The following MGAM2 variants were observed in gnomAD, a reference collection of about 807,000 sequenced individuals.
MGAM2 encodes the protein maltase-glucoamylase 2 (putative).
Under a neutral mutation model 96.1 loss-of-function variants are expected in MGAM2, and 98 were observed. That is an observed-to-expected ratio of 1.02 (90% confidence interval 0.87 to 1.21). MGAM2 has a LOEUF of 1.21. Among genes scored for constraint, MGAM2 ranks in the 50% most tolerant of loss-of-function variants. The pLI, the probability that MGAM2 is intolerant of heterozygous loss-of-function variation, is 0.00. For synonymous variants in MGAM2, 749 were observed against 414.8 expected (o/e 1.81, Z -9.79); for missense variants, 2,055 against 1,182.4 (o/e 1.74, Z -10.82).
intron 4 of MGAM2, 92 bp from the exon 5 acceptor site, chr7:142,131,426 G>A: frequency 1.5e-6 from 1 of 654,796 alleles, no homozygotes; most frequent in Non-Finnish European, 2.8e-6. Flanking sequence ...CACAGGGCAA[G>A]ACTCCATCTC....
chr7:142,112,219 T>C (rs1046012911), intron 1 of MGAM2, among the ~76,000 whole-genome samples: 3 of 152,090 alleles, frequency 2.0e-5, no homozygotes, highest in African/African-American at 7.2e-5. Flanking sequence ...GGTTTCTAAG[T>C]AGGCAAGAAT....
In MGAM2 at chr7:142,221,340, G is replaced by T; in HGVS notation, c.6829G>T (p.Asp2277Tyr). ...TGTGACTACTCCTTCTCCAAGTACT[G>T]ATGCTACTACTACAAGTAATAATAC... ...PFVTTPSPST[D>Y]ATTTSNNTNP... is the part of the protein sequence containing the mutation. The change falls in exon 48 of 48, where the codon GAT (aspartate) becomes TAT (tyrosine). Residue 2277 changes from aspartate to tyrosine, a missense_variant. By Grantham distance (160) the Asp-to-Tyr change is radical. Transcript: ENST00000477922. 1 of 633,586 alleles carries T rather than the reference G, an allele frequency of 1.6e-6. No individual in the cohort carries two copies. The highest frequency in any genetic ancestry group is 2.8e-6 in the Non-Finnish European group (1 of 353,106). 39.2% of individuals were successfully genotyped at this position (633,586 alleles called of 1,614,324 possible). A position where few individuals can be genotyped will look rare whatever the true frequency, so the allele number is the denominator to read the frequency against.
chr7:142,213,728 G>A (rs998982762), intron 46 of MGAM2, among the ~76,000 whole-genome samples: 13 of 152,058 alleles, frequency 8.5e-5, no homozygotes, highest in African/African-American at 2.4e-4. Flanking sequence ...ATTCACAGCC[G>A]AATTCTACCA....
chr7:142,197,113 C>T (rs913332500), intron 40 of MGAM2, among the ~76,000 whole-genome samples: 1 of 152,106 alleles, frequency 6.6e-6, no homozygotes, highest in Non-Finnish European at 1.5e-5. Context: ...GTATTTTACT[C>T]AAATTCATCG....
At chr7:142,190,128 T>C (rs983489621) in intron 37 of MGAM2, among the ~76,000 whole-genome samples, 3 of 152,128 alleles carry the variant, frequency 2.0e-5, no homozygotes, top group Admixed American at 2.0e-4. Flanking sequence ...TGAATATTTA[T>C]GTGCAAGATT....
intron 32 of MGAM2, among the ~76,000 whole-genome samples, chr7:142,179,104 C>T (rs1487679075): frequency 1.3e-5 from 2 of 151,938 alleles, no homozygotes; most frequent in Admixed American, 6.6e-5. Flanking sequence ...GAAGTTGGAT[C>T]GTTAATTTGA....
intron 7 of MGAM2, 112 bp from the exon 8 acceptor site, chr7:142,136,429 A>G: frequency 2.1e-6 from 1 of 466,030 alleles, no homozygotes; most frequent in Non-Finnish European, 3.8e-6. Context: ...ATGTTAAACT[A>G]CATGAAGTGT....
At chr7:142,181,651 A>G (rs1796546421) in intron 32 of MGAM2, among the ~76,000 whole-genome samples, 1 of 152,168 alleles carries the variant, frequency 6.6e-6, no homozygotes, top group Admixed American at 6.5e-5. Context: ...GGACAGCCTG[A>G]GCCAAAGGTC....
At chr7:142,124,359 CT>C (rs1313207848) in intron 3 of MGAM2, among the ~76,000 whole-genome samples, 1 of 152,012 alleles carries the variant, frequency 6.6e-6, no homozygotes, top group Admixed American at 6.6e-5. Flanking sequence ...TTAGTGACAC[CT>C]TTCCTGTAAA....
chr7:142,115,311 G>GCCT lies in MGAM2; in HGVS notation c.1-1561_1-1559dup, dbSNP rs572218000. ...GCCCAGTTTATTTAGGAGATTATGA[G>GCCT]CCTCGGTGGCATCTCCCTTGAGTTA... On this transcript the variant is annotated intron_variant, in intron 1 of 47. Coordinates refer to ENST00000477922, the MANE Select transcript of MGAM2 (RefSeq NM_001293626.2). Among the ~76,000 whole-genome samples the GCCT allele has an allele frequency of 3.7e-3, 565 of 152,364 alleles. 5 individuals carry two copies. Among genetic ancestry groups the GCCT allele is most frequent in the African/African-American group, 0.013 (535 of 41,588 alleles).
At chr7:142,114,187 A>AAAG (rs1224287325) in intron 1 of MGAM2, among the ~76,000 whole-genome samples, 6 of 109,870 alleles carry the variant, frequency 5.5e-5, no homozygotes, top group South Asian at 3.5e-4. Flanking sequence ...AGAAAGAAAG[A>AAAG]AAGAAAGAAA....
intron 6 of MGAM2, among the ~76,000 whole-genome samples, chr7:142,133,419 T>A (rs1195773257): frequency 6.6e-6 from 1 of 151,576 alleles, no homozygotes; most frequent in Non-Finnish European, 1.5e-5. Flanking sequence ...GAACTCAAAC[T>A]TCATTGTCTA....
intron 17 of MGAM2, among the ~76,000 whole-genome samples, chr7:142,155,351 A>G (rs992325549): frequency 2.0e-5 from 3 of 152,196 alleles, no homozygotes; most frequent in African/African-American, 4.8e-5. Context: ...GTCTACCCAA[A>G]ATAGTATTTT....
intron 46 of MGAM2, among the ~76,000 whole-genome samples, chr7:142,210,981 C>G (rs1198089285): frequency 3.9e-5 from 6 of 152,198 alleles, no homozygotes; most frequent in Admixed American, 2.0e-4. Flanking sequence ...GATGAAGCTT[C>G]CAGAGGAAGG....
rs1267557278 is a variant in MGAM2 at position 142,198,757 on chromosome 7, T to C, written c.5048+18T>C. 7 of 702,262 alleles carry C rather than the reference T, an allele frequency of 1.0e-5. No individual in the cohort carries two copies. The highest frequency in any genetic ancestry group is 4.0e-5 in the Admixed American group (2 of 49,888). 43.5% of individuals were successfully genotyped at this position (702,262 alleles called of 1,614,324 possible). A position where few individuals can be genotyped will look rare whatever the true frequency, so the allele number is the denominator to read the frequency against. Reference sequence around the variant, plus strand: ...CACTCCAGGTGAGGAGAAGAGGCAATGTCTAACAGCCTCTTGCTATACCGT... The same window carrying C: ...CACTCCAGGTGAGGAGAAGAGGCAACGTCTAACAGCCTCTTGCTATACCGT... On this transcript the variant is annotated intron_variant, in intron 44 of 47. Transcript: ENST00000477922.
intron 36 of MGAM2, among the ~76,000 whole-genome samples, chr7:142,188,109 AAC>A (rs60052742): frequency 0.087 from 12,463 of 143,496 alleles, 587 homozygotes; most frequent in Non-Finnish European, 0.097. Context: ...TAAACCCTTA[AAC>A]ACACACACAC....
intron 13 of MGAM2, among the ~76,000 whole-genome samples, chr7:142,144,327 C>A (rs1031138787): frequency 6.6e-6 from 1 of 152,076 alleles, no homozygotes; most frequent in African/African-American, 2.4e-5. Context: ...ATTGGAGCAG[C>A]CATTTGGGAA....
intron 30 of MGAM2, among the ~76,000 whole-genome samples, 185 bp from the exon 31 acceptor site, chr7:142,173,044 T>G (rs564919757): frequency 4.1e-4 from 63 of 152,290 alleles, no homozygotes; most frequent in Non-Finnish European, 7.9e-4. Flanking sequence ...ACAGAAAAAC[T>G]TCAATTACGT....
At position 142,154,215 on chromosome 7, in the gene MGAM2, C is replaced by T. The variant is rs567169212; in HGVS notation, c.1806+26C>T. On this transcript the variant is annotated intron_variant, in intron 16 of 47. Transcript: ENST00000477922. ...GTGAGCCTTATTTCCAACCAGGGAA[C>T]TTTAACCCTTTGTCTGTTGACATTC... is the stretch of plus-strand genomic sequence containing the variant. The T allele has an allele frequency of 2.5e-5, 14 of 558,444 alleles. No homozygotes were observed. In the South Asian group the frequency reaches 2.9e-4, roughly 12 times the overall value. The allele number at this position is 558,444 out of a possible 1,614,324, so 34.6% of individuals were successfully genotyped here. A position where few individuals can be genotyped will look rare whatever the true frequency, so the allele number is the denominator to read the frequency against.
Sources: gnomAD v4.1 joint callset for allele counts (sites outside exome capture counted in the v4.1 genomes callset) on GRCh38, gnomAD v4.1.1 for gene constraint, MANE v1.5 for transcripts, NCBI Gene and HGNC (gene_info 2026-07-23, HGNC 2026-07-21) for gene names.